The following LRRC52 variants were observed in gnomAD, a reference collection of about 807,000 sequenced individuals.
LRRC52 encodes the protein leucine rich repeat containing 52.
In LRRC52, 15 loss-of-function variants were observed where a neutral mutation model predicts 14.7. The ratio of observed to expected loss-of-function variants is 1.02; its 90% CI spans 0.68 to 1.58. LRRC52 has a LOEUF of 1.58. LRRC52 is among the 40% of genes most tolerant of loss of function. The pLI is 0.00. For synonymous variants in LRRC52, 180 were observed against 163.9 expected (o/e 1.10, Z -0.75); for missense variants, 400 against 387.7 (o/e 1.03, Z -0.27).
chr1:165,561,697 A>G (rs12239745), intron 1 of LRRC52, among the ~76,000 whole-genome samples: 6,077 of 152,336 alleles, frequency 0.04, 390 homozygotes, highest in African/African-American at 0.14. Flanking sequence ...CAAACAGTGG[A>G]TATGACACAG....
chr1:165,558,153 A>G (rs1406865653), intron 1 of LRRC52, among the ~76,000 whole-genome samples: 3 of 152,266 alleles, frequency 2.0e-5, no homozygotes, highest in Admixed American at 6.5e-5. Flanking sequence ...TGATTCTGAC[A>G]AAGAGGTTTT....
chr1:165,546,233 AAG>A (rs1028591440), intron 1 of LRRC52, among the ~76,000 whole-genome samples: 4 of 1,392 alleles, frequency 2.9e-3, no homozygotes, highest in Non-Finnish European at 0.011. Flanking sequence ...CACTGAGAAT[AAG>A]ACATTGTGAG....
chr1:165,555,821 G>A (rs541680921), intron 1 of LRRC52, among the ~76,000 whole-genome samples: 44 of 152,324 alleles, frequency 2.9e-4, no homozygotes, highest in African/African-American at 7.5e-4. Flanking sequence ...GGTGCCCTTC[G>A]GCTCCTGGGG....
intron 1 of LRRC52, among the ~76,000 whole-genome samples, chr1:165,553,836 T>C (rs1264728304): frequency 6.6e-6 from 1 of 152,056 alleles, no homozygotes; most frequent in Non-Finnish European, 1.5e-5. Flanking sequence ...TCTCTTTCAG[T>C]GAGGTGAAAG....
Position 165,544,914 on chromosome 1 carries a change from C to T in LRRC52, c.618C>T (p.Pro206=). ...TCTTAATAGTGTTCCATATGGACCC[C>T]TCAGGTGAGGGCTTGATTGGGTGTG... ...AIFLIVFHMD[P]SDDLNATCVE... is the part of the protein sequence containing the mutation. The change falls in exon 1 of 2, where the codon CCC becomes CCT. Residue 206 remains proline, a synonymous_variant. Coordinates refer to ENST00000294818, the MANE Select transcript of LRRC52 (RefSeq NM_001005214.4). The T allele has an allele frequency of 6.2e-7, 1 of 1,613,138 alleles. No individual in the cohort carries two copies. The highest frequency in any genetic ancestry group is 1.1e-5 in the South Asian group (1 of 91,012).
intron 1 of LRRC52, among the ~76,000 whole-genome samples, chr1:165,559,380 ACT>A (rs1037356819): frequency 6.6e-5 from 10 of 152,072 alleles, no homozygotes; most frequent in African/African-American, 2.4e-4. Flanking sequence ...CAAGAGTGAA[ACT>A]CTGTCTCAAA....
At chr1:165,563,454 G>A (rs760617311) in intron 1 of LRRC52, 51 bp from the exon 2 acceptor site, 16 of 1,533,700 alleles carry the variant, frequency 1.0e-5, no homozygotes, top group South Asian at 2.5e-5. Context: ...GCCTTAGGAC[G>A]CTGGGAGTCA....
At chr1:165,551,979 G>GAAA (rs148299176) in intron 1 of LRRC52, among the ~76,000 whole-genome samples, 1,760 of 120,310 alleles carry the variant, frequency 0.015, 38 homozygotes, top group African/African-American at 0.048. Flanking sequence ...GGCTAAAAAA[G>GAAA]AAAAAAAAAA....
rs542985830 is a variant in LRRC52, at chr1:165,560,873, T to A, written c.623-2632T>A. Among the ~76,000 whole-genome samples, 164 of 152,096 alleles carry A rather than the reference T, an allele frequency of 1.1e-3. 1 individual carries two copies. Among genetic ancestry groups the A allele is most frequent in the Non-Finnish European group, 1.9e-3 (126 of 68,012 alleles). Reference sequence around the variant, plus strand: ...GAGAAGGGTAGCTGCTGAGGGGCTCTGAATGCCAGGCCAAATGGTCTGGGT... The same window carrying A: ...GAGAAGGGTAGCTGCTGAGGGGCTCAGAATGCCAGGCCAAATGGTCTGGGT... On this transcript the variant is annotated intron_variant, in intron 1 of 1. Transcript: ENST00000294818.
chr1:165,547,682 A>G (rs750932168), intron 1 of LRRC52, among the ~76,000 whole-genome samples: 5 of 152,232 alleles, frequency 3.3e-5, no homozygotes, highest in Non-Finnish European at 5.9e-5. Flanking sequence ...CATACCATAT[A>G]TAAATACATA....
intron 1 of LRRC52, among the ~76,000 whole-genome samples, chr1:165,559,851 A>G (rs1481895471): frequency 6.6e-6 from 1 of 152,242 alleles, no homozygotes; most frequent in Non-Finnish European, 1.5e-5. Flanking sequence ...TTATACAAAC[A>G]AGTAAGATAA....
intron 1 of LRRC52, among the ~76,000 whole-genome samples, chr1:165,550,164 G>A (rs1304534278): frequency 6.6e-6 from 1 of 152,202 alleles, no homozygotes; most frequent in Non-Finnish European, 1.5e-5. Flanking sequence ...GGTGAGAGTG[G>A]TCATTGAGTT....
rs374191095 is a variant in LRRC52, at chr1:165,544,303, C to A, written c.7C>A (p.Leu3Ile). 2.6e-5 allele frequency: 42 copies of A among 1,613,238 alleles called. No homozygotes were observed. The highest frequency in any genetic ancestry group is 5.9e-6 in the Non-Finnish European group (7 of 1,179,654). Residue 3 changes from leucine (L) to isoleucine (I), a missense_variant, in exon 1 of 2, where the codon CTT becomes ATT. By Grantham distance (5) the Leu-to-Ile change is conservative. Transcript: ENST00000294818. ...GTGGTTGTGGCTTCTTACTATGTCC[C>A]TTGCTTCAGGCCCTGGCCCTGGGTG... MS[L>I]ASGPGPGWLL...
intron 1 of LRRC52, among the ~76,000 whole-genome samples, chr1:165,551,374 C>T (rs997836053): frequency 5.3e-5 from 8 of 152,178 alleles, no homozygotes; most frequent in African/African-American, 1.9e-4. Context: ...AGAACAGTGG[C>T]CTGTGTTCTG....
intron 1 of LRRC52, among the ~76,000 whole-genome samples, chr1:165,546,855 T>A (rs1206893166): frequency 6.6e-6 from 1 of 152,164 alleles, no homozygotes; most frequent in African/African-American, 2.4e-5. Context: ...ATAAAGTAGA[T>A]CTTTTTCACC....
intron 1 of LRRC52, among the ~76,000 whole-genome samples, chr1:165,545,789 T>A (rs1196128865): frequency 1.3e-5 from 2 of 152,114 alleles, no homozygotes; most frequent in Admixed American, 6.5e-5. Context: ...AATAGCATTT[T>A]TACCCAGGAA....
chr1:165,556,293 A>C (rs1435277497), intron 1 of LRRC52, among the ~76,000 whole-genome samples: 1 of 152,238 alleles, frequency 6.6e-6, no homozygotes, highest in African/African-American at 2.4e-5. Context: ...AGGAATAATC[A>C]GGTTGAACTT....
rs562941600 is a variant in LRRC52 at position 165,547,691 on chromosome 1, T to C, written c.622+2773T>C. Among the ~76,000 whole-genome samples the C allele has an allele frequency of 2.0e-5, 3 of 152,300 alleles. 1 individual carries two copies. Among genetic ancestry groups the C allele is most frequent in the South Asian group, 4.1e-4 (2 of 4,830 alleles). On this transcript the variant is annotated intron_variant, in intron 1 of 1. Coordinates refer to ENST00000294818, the MANE Select transcript of LRRC52 (RefSeq NM_001005214.4). ...TATGTTCATACCATATATAAATACA[T>C]ACTTACATACCCACACGTATATACC...
At chr1:165,545,377 T>C (rs1467076866) in intron 1 of LRRC52, among the ~76,000 whole-genome samples, 3 of 152,128 alleles carry the variant, frequency 2.0e-5, no homozygotes, top group Admixed American at 1.3e-4. Context: ...GATCAAAAAG[T>C]AAATTCAGTC....
Sources: allele counts gnomAD v4.1 joint callset (sites outside exome capture counted in the v4.1 genomes callset), GRCh38; gene constraint gnomAD v4.1.1; transcripts MANE v1.5; gene names NCBI Gene and HGNC (gene_info 2026-07-23, HGNC 2026-07-21).